Variants in THSD1 observed in about 807,000 individuals in gnomAD.
THSD1 encodes thrombospondin type-1 domain-containing protein 1.
In THSD1, 34 loss-of-function variants were observed where a neutral mutation model predicts 46.3. The observed-to-expected ratio is 0.74, with a 90% CI of 0.56 to 0.98. The LOEUF is 0.98. THSD1 is among the 50% of genes least tolerant of loss of function. The probability of loss-of-function intolerance (pLI) is 0.00; values close to 1 mark genes in which losing one functional copy is unlikely to be tolerated. For missense variants in THSD1, 1,023 were observed against 1,058.3 expected, an observed-to-expected ratio of 0.97 and a Z score of 0.46; for synonymous variants, 407 against 416.5, an observed-to-expected ratio of 0.98 and a Z score of 0.28.
chr13:52,383,062 C>A lies in THSD1; in HGVS notation c.1180+2966G>T, dbSNP rs1957704767. Among the ~76,000 whole-genome samples the A allele has an allele frequency of 2.0e-5, 3 of 151,678 alleles. No homozygotes were observed. In the South Asian group the frequency reaches 6.2e-4, roughly 31 times the overall value. On this transcript the variant is annotated intron_variant, in intron 4 of 4. Coordinates refer to ENST00000258613, the MANE Select transcript of THSD1 (RefSeq NM_018676.4). ...GATGTCTTGGGCTTGGATTGTCACT[C>A]CTGAAAGCTTCTATAGCAAGCTGTG...
chr13:52,387,528 C>G (rs1467603975), intron 3 of THSD1, among the ~76,000 whole-genome samples: 4 of 152,150 alleles, frequency 2.6e-5, no homozygotes, highest in African/African-American at 7.2e-5. Context: ...TTAAAACTCT[C>G]AGAGAGAGAA....
At chr13:52,397,105 T>C (rs1594103064) in intron 3 of THSD1, 127 bp downstream of exon 3, 3 of 822,196 alleles carry the variant, frequency 3.6e-6, no homozygotes, top group Non-Finnish European at 3.7e-6. Flanking sequence ...ATAATGCCAA[T>C]TGGTACATTA....
chr13:52,396,476 C>A (rs1263413931), intron 3 of THSD1, among the ~76,000 whole-genome samples: 1 of 152,044 alleles, frequency 6.6e-6, no homozygotes, highest in Non-Finnish European at 1.5e-5. Context: ...GAGCCGAGAT[C>A]GCGCCACTGC....
Position 52,377,195 on chromosome 13 carries a change from T to A in THSD1, c.*216A>T, listed in dbSNP as rs1206577582. On this transcript the variant is annotated 3_prime_UTR_variant, in exon 5 of 5. Transcript: ENST00000258613. ...GCTCATTTACATTTTATTATCATTG[T>A]TATTACTAATAAATCAATAGAAATT... 1.3e-5 allele frequency: 17 copies of A among 1,288,190 alleles called. No individual in the cohort carries two copies. The highest frequency in any genetic ancestry group is 8.9e-6 in the Non-Finnish European group (9 of 1,015,698). 79.8% of individuals were successfully genotyped at this position (1,288,190 alleles called of 1,614,324 possible).
In THSD1 at chr13:52,377,677, G is replaced by T. The variant is rs746233250; in HGVS notation, c.2293C>A (p.Pro765Thr). 4 of 1,609,938 alleles carry T rather than the reference G, an allele frequency of 2.5e-6. No homozygotes were observed. The African/African-American group carries it at 4.0e-5, about 16-fold the overall frequency. The stretch of plus-strand genomic sequence containing the variant: ...TTCCTTGAGACACTCTTGTGACTGG[G>T]GGACGGTCCCCGACGAGCTCTGTGG... ...EPHRARRGPS[P>T]SHKSVSRKQS... Residue 765 changes from proline (P) to threonine (T), a missense_variant, in exon 5 of 5, where the codon CCC becomes ACC. By Grantham distance (38) the Pro-to-Thr change is conservative (BLOSUM62 -1). This residue lies in a region of THSD1 where 578 missense variants were observed against 497.4 expected (regional missense o/e 1.16). Coordinates refer to ENST00000258613, the MANE Select transcript of THSD1 (RefSeq NM_018676.4).
intron 1 of THSD1, among the ~76,000 whole-genome samples, 171 bp downstream of exon 1, chr13:52,405,860 A>G (rs1001417768): frequency 1.3e-5 from 2 of 152,080 alleles, no homozygotes; most frequent in African/African-American, 4.8e-5. Context: ...AATACCCCTT[A>G]AAAGCGTCCC....
Position 52,377,341 on chromosome 13 carries a change from T to C in THSD1, c.*70A>G. On this transcript the variant is annotated 3_prime_UTR_variant, in exon 5 of 5. Coordinates refer to ENST00000258613, the MANE Select transcript of THSD1 (RefSeq NM_018676.4). Reference sequence around the variant, plus strand: ...CTCACATTCTGTCCTACGGTACAAATAGTTACACAAAAGTCTACAAAACGC... The same window carrying C: ...CTCACATTCTGTCCTACGGTACAAACAGTTACACAAAAGTCTACAAAACGC... 6.9e-7 allele frequency: 1 copy of C among 1,454,920 alleles called. No individual in the cohort carries two copies. Among genetic ancestry groups the C allele is most frequent in the Non-Finnish European group, 9.1e-7 (1 of 1,097,446 alleles). 90.1% of individuals were successfully genotyped at this position (1,454,920 alleles called of 1,614,324 possible).
chr13:52,402,592 T>A lies in THSD1; in HGVS notation c.9A>T (p.Pro3=), dbSNP rs1957873255. MK[P]MLKDFSNLLL... ...ATAGATTTGAAAAGTCTTTCAACAT[T>A]GGTTTCATTCTGATTGACAAAATCC... is the stretch of plus-strand genomic sequence containing the variant. The change falls in exon 2 of 5, where the codon CCA becomes CCT. Residue 3 remains proline (P), a synonymous_variant. Transcript: ENST00000258613. 1 of 1,613,870 alleles carries A rather than the reference T, an allele frequency of 6.2e-7. No homozygotes were observed. The highest frequency in any genetic ancestry group is 1.7e-5 in the Admixed American group (1 of 60,004).
chr13:52,382,062 T>C (rs1339178463), intron 4 of THSD1, among the ~76,000 whole-genome samples: 2 of 152,222 alleles, frequency 1.3e-5, no homozygotes, highest in Non-Finnish European at 2.9e-5. Flanking sequence ...TTCACTTATG[T>C]AATTTAGAGA....
At chr13:52,392,995 C>CT (rs1009884659) in intron 3 of THSD1, among the ~76,000 whole-genome samples, 44 of 148,218 alleles carry the variant, frequency 3.0e-4, no homozygotes, top group Middle Eastern at 7.0e-3. Context: ...AAAACAGAGC[C>CT]TTTTTTTTTT....
At chr13:52,399,366 G>C (rs1033292936) in intron 2 of THSD1, among the ~76,000 whole-genome samples, 1 of 152,104 alleles carries the variant, frequency 6.6e-6, no homozygotes, top group Non-Finnish European at 1.5e-5. Flanking sequence ...GTAAGAAACA[G>C]TTCTAGATGT....
chr13:52,386,281 C>T (rs1957730134), intron 3 of THSD1, 95 bp from the exon 4 acceptor site: 1 of 1,331,026 alleles, frequency 7.5e-7, no homozygotes, highest in East Asian at 2.3e-5. Context: ...AATCTCAGGT[C>T]TTGAAAAGCC....
In THSD1 at chr13:52,377,759, T is replaced by C; in HGVS notation, c.2211A>G (p.Lys737=). ...CTGCCTGGTGATCCCCAAGGTCTGGTTTCCTCAAGGGCTGCCCCAAAGTGT... is the reference window on the plus strand; with the variant it reads ...CTGCCTGGTGATCCCCAAGGTCTGGCTTCCTCAAGGGCTGCCCCAAAGTGT... ...KSYTLGQPLR[K]PDLGDHQAGL... is the part of the protein sequence containing the mutation. The change falls in exon 5 of 5, where the codon AAA becomes AAG. Residue 737 remains lysine (K), a synonymous_variant. Transcript: ENST00000258613. 1 of 1,614,112 alleles carries C rather than the reference T, an allele frequency of 6.2e-7. No individual in the cohort carries two copies. Among genetic ancestry groups the C allele is most frequent in the Non-Finnish European group, 8.5e-7 (1 of 1,180,000 alleles).
chr13:52,398,207 G>C lies in THSD1; in HGVS notation c.59-13C>G, dbSNP rs778054546. 1 of 1,596,386 alleles carries C rather than the reference G, an allele frequency of 6.3e-7. No homozygotes were observed. Among genetic ancestry groups the C allele is most frequent in the Non-Finnish European group, 8.5e-7 (1 of 1,170,620 alleles). On this transcript the variant is annotated splice_polypyrimidine_tract_variant and intron_variant, in intron 2 of 4. Transcript: ENST00000258613. ...GCTTCTCCAAGAACTGAAATGAAGT[G>C]GTCAGAATTGGTTTTTAAAAGGTGC...
At chr13:52,398,493 C>A (rs1957828628) in intron 2 of THSD1, 1 of 947,284 alleles carries the variant, frequency 1.1e-6, no homozygotes, top group South Asian at 4.9e-5. Context: ...CCTTCCACCT[C>A]AGACTCTCAA....
rs1203563150 is a variant in THSD1 at position 52,378,299 on chromosome 13, ACT to A, written c.1669_1670del (p.Leu559AspfsTer6). 5.0e-6 allele frequency: 8 copies of A among 1,613,642 alleles called. No homozygotes were observed. The highest frequency in any genetic ancestry group is 5.1e-6 in the Non-Finnish European group (6 of 1,179,968). On this transcript the variant is annotated frameshift_variant, in exon 5 of 5. Coordinates refer to ENST00000258613, the MANE Select transcript of THSD1 (RefSeq NM_018676.4). LOFTEE classifies it low-confidence loss of function (END_TRUNC). ...CATCAATGGCAGTGTCTGTCAGGGGACTCTGAGACACGTGATACACTTTGGTA... is the reference window on the plus strand; with the variant it reads ...CATCAATGGCAGTGTCTGTCAGGGGACTGAGACACGTGATACACTTTGGTA... ...ETTKVYHVSQ[S>X]PLTDTAIDAA...
At chr13:52,385,111 G>A (rs1957721256) in intron 4 of THSD1, among the ~76,000 whole-genome samples, 1 of 152,144 alleles carries the variant, frequency 6.6e-6, no homozygotes, top group South Asian at 2.1e-4. Flanking sequence ...GGTACTCTGA[G>A]ATCCAAACAC....
intron 2 of THSD1, among the ~76,000 whole-genome samples, chr13:52,400,424 C>A (rs1957846886): frequency 6.6e-6 from 1 of 151,984 alleles, no homozygotes; most frequent in Admixed American, 6.6e-5. Flanking sequence ...ATGGTGAAAC[C>A]CTGAATCTAC....
At chr13:52,393,826 G>A (rs541042972) in intron 3 of THSD1, among the ~76,000 whole-genome samples, 48 of 152,122 alleles carry the variant, frequency 3.2e-4, no homozygotes, top group Admixed American at 5.2e-4. Context: ...AATAAAAGGA[G>A]AACCCAGTTC....
Sources: gnomAD v4.1 joint callset for allele counts (sites outside exome capture counted in the v4.1 genomes callset) on GRCh38, gnomAD v4.1.1 for gene constraint, gnomAD v4.1.1 regional missense constraint, MANE v1.5 for transcripts, NCBI Gene and HGNC (gene_info 2026-07-23, HGNC 2026-07-21) for gene names.